EFCAB6: variants seen among roughly 807,000 people sequenced by gnomAD.
EFCAB6 encodes EF-hand calcium-binding domain-containing protein 6.
EFCAB6 carries 156 observed loss-of-function variants against 169.8 expected under a neutral mutation model. The observed-to-expected ratio is 0.92, with a 90% CI of 0.81 to 1.05. The LOEUF is 1.05. Ranked by LOEUF, EFCAB6 falls within the 50% of genes least tolerant of loss-of-function variation. EFCAB6 has a pLI of 0.00. For missense variants in EFCAB6, 1,800 were observed against 1,829.1 expected (o/e 0.98, Z 0.29); for synonymous variants, 698 against 676.4 (o/e 1.03, Z -0.50).
chr22:43,577,081 C>G (rs1272553497), intron 25 of EFCAB6, among the ~76,000 whole-genome samples: 1 of 152,168 alleles, frequency 6.6e-6, no homozygotes, highest in Non-Finnish European at 1.5e-5. Context: ...CGGCCAGAGC[C>G]CGAGTGGCCT....
chr22:43,753,468 C>T (rs2060842599), intron 6 of EFCAB6, among the ~76,000 whole-genome samples: 6 of 152,142 alleles, frequency 3.9e-5, no homozygotes, highest in Admixed American at 3.9e-4. Context: ...GACTCCTCCT[C>T]AAAACAGAGA....
chr22:43,712,746 T>C (rs1483870593), intron 9 of EFCAB6, among the ~76,000 whole-genome samples: 1 of 152,108 alleles, frequency 6.6e-6, no homozygotes, highest in Non-Finnish European at 1.5e-5. Flanking sequence ...ACTGGATTGG[T>C]GAAACCCATT....
At chr22:43,583,445 A>C (rs955932454) in intron 24 of EFCAB6, among the ~76,000 whole-genome samples, 2 of 152,020 alleles carry the variant, frequency 1.3e-5, no homozygotes, top group African/African-American at 4.8e-5. Context: ...AAGGTAAAAC[A>C]AAGGCAGATA....
chr22:43,540,032 C>G, intron 28 of EFCAB6, 95 bp downstream of exon 28: 1 of 1,398,820 alleles, frequency 7.1e-7, no homozygotes, highest in Non-Finnish European at 9.9e-7. Flanking sequence ...AGCCACTCAA[C>G]CCTGGGCCAT....
At chr22:43,675,763 T>A (rs1469631777) in intron 13 of EFCAB6, among the ~76,000 whole-genome samples, 1 of 148,322 alleles carries the variant, frequency 6.7e-6, no homozygotes, top group Non-Finnish European at 1.5e-5. Context: ...AATATAATAA[T>A]ATGTAATGTA....
chr22:43,591,610 A>C (rs531263050), intron 23 of EFCAB6, among the ~76,000 whole-genome samples: 2 of 152,194 alleles, frequency 1.3e-5, no homozygotes, highest in African/African-American at 2.4e-5. Context: ...CCTACTTTCT[A>C]TAACAGGAAC....
intron 6 of EFCAB6, among the ~76,000 whole-genome samples, chr22:43,738,502 C>T (rs2060250285): frequency 6.8e-6 from 1 of 146,668 alleles, no homozygotes; most frequent in Non-Finnish European, 1.5e-5. Context: ...TGCACATATA[C>T]TCACACACAC....
chr22:43,673,430 A>C (rs2057580615), intron 13 of EFCAB6, among the ~76,000 whole-genome samples: 1 of 152,240 alleles, frequency 6.6e-6, no homozygotes. Context: ...AAATTTTAAA[A>C]ATAAAAAATA....
chr22:43,731,682 A>G lies in EFCAB6; in HGVS notation c.757+17T>C. The G allele has an allele frequency of 6.7e-7, 1 of 1,482,536 alleles. No individual in the cohort carries two copies. The highest frequency in any genetic ancestry group is 9.2e-7 in the Non-Finnish European group (1 of 1,085,894). 91.8% of individuals were successfully genotyped at this position (1,482,536 alleles called of 1,614,324 possible). A position where few individuals can be genotyped will look rare whatever the true frequency, so the allele number is the denominator to read the frequency against. Reference sequence around the variant, plus strand: ...AAGATATTGAAATCTTTAGCTATATACTTTAAAAATACTTACCTTGATTTC... The same window carrying G: ...AAGATATTGAAATCTTTAGCTATATGCTTTAAAAATACTTACCTTGATTTC... On this transcript the variant is annotated intron_variant, in intron 8 of 31. Coordinates refer to ENST00000262726, the MANE Select transcript of EFCAB6 (RefSeq NM_022785.4).
chr22:43,691,586 A>G (rs937221390), intron 10 of EFCAB6, among the ~76,000 whole-genome samples: 1 of 152,210 alleles, frequency 6.6e-6, no homozygotes, highest in Non-Finnish European at 1.5e-5. Flanking sequence ...AAACTTACCT[A>G]TTTAATTACA....
intron 13 of EFCAB6, among the ~76,000 whole-genome samples, chr22:43,676,242 C>T (rs1382447648): frequency 6.6e-6 from 1 of 151,496 alleles, no homozygotes; most frequent in Non-Finnish European, 1.5e-5. Flanking sequence ...ATGGTGAAAC[C>T]CCGTCTCTAC....
chr22:43,643,254 A>G (rs1013300979), intron 17 of EFCAB6, among the ~76,000 whole-genome samples: 10 of 152,386 alleles, frequency 6.6e-5, no homozygotes, highest in Admixed American at 3.3e-4. Flanking sequence ...AAAGTTTAAA[A>G]AGGCAAAATA....
At chr22:43,654,818 C>A (rs1037195389) in intron 17 of EFCAB6, among the ~76,000 whole-genome samples, 1 of 152,112 alleles carries the variant, frequency 6.6e-6, no homozygotes, top group Non-Finnish European at 1.5e-5. Context: ...ATTTAAAGTA[C>A]AAAAGGGAGG....
intron 6 of EFCAB6, among the ~76,000 whole-genome samples, chr22:43,740,934 G>A (rs913695860): frequency 3.9e-5 from 6 of 152,170 alleles, no homozygotes; most frequent in Non-Finnish European, 5.9e-5. Flanking sequence ...GATCTCTAGC[G>A]TGAGCACCGG....
chr22:43,599,715 A>C (rs2052349578), intron 23 of EFCAB6, among the ~76,000 whole-genome samples: 2 of 152,056 alleles, frequency 1.3e-5, no homozygotes, highest in Admixed American at 1.3e-4. Flanking sequence ...GTTCGGTGCT[A>C]GACACCAGGT....
At chr22:43,632,291 C>CTT (rs1569284726) in intron 18 of EFCAB6, 53 bp from the exon 19 acceptor site, 40 of 1,316,606 alleles carry the variant, frequency 3.0e-5, no homozygotes, top group South Asian at 1.7e-4. Flanking sequence ...AGCTTCATTC[C>CTT]TTCTTTTTTT....
intron 22 of EFCAB6, among the ~76,000 whole-genome samples, chr22:43,602,822 C>T (rs1241311163): frequency 6.6e-6 from 1 of 152,060 alleles, no homozygotes; most frequent in South Asian, 2.1e-4. Context: ...GGTGAGGACC[C>T]GACGGGTTAG....
intron 17 of EFCAB6, among the ~76,000 whole-genome samples, chr22:43,641,956 T>G (rs968147339): frequency 1.3e-5 from 2 of 152,260 alleles, no homozygotes; most frequent in Non-Finnish European, 2.9e-5. Flanking sequence ...GGCTTTTTTT[T>G]TGAGATGGAG....
At chr22:43,692,648 T>G (rs190888016) in intron 10 of EFCAB6, among the ~76,000 whole-genome samples, 1 of 151,134 alleles carries the variant, frequency 6.6e-6, no homozygotes, top group Admixed American at 6.6e-5. Context: ...GAGAAAAGAG[T>G]GAGTGAACTT....
Sources: gnomAD v4.1 joint callset for allele counts (sites outside exome capture counted in the v4.1 genomes callset) on GRCh38, gnomAD v4.1.1 for gene constraint, MANE v1.5 for transcripts, NCBI Gene and HGNC (gene_info 2026-07-23, HGNC 2026-07-21) for gene names.